BSND: variants seen among roughly 807,000 people sequenced by gnomAD.
BSND encodes the protein barttin.
Under a neutral mutation model 18.8 loss-of-function variants are expected in BSND, and 13 were observed. The ratio of observed to expected loss-of-function variants is 0.69; its 90% CI spans 0.45 to 1.10. BSND has a LOEUF of 1.10. Among genes scored for constraint, BSND ranks in the 50% least tolerant of loss-of-function variants. The probability of loss-of-function intolerance (pLI) is 0.00; values close to 1 mark genes in which losing one functional copy is unlikely to be tolerated. For synonymous variants in BSND, 170 were observed against 161.8 expected, an observed-to-expected ratio of 1.05 and a Z score of -0.39; for missense variants, 379 against 416.7, an observed-to-expected ratio of 0.91 and a Z score of 0.79.
rs1644443234 is a variant in BSND, at chr1:55,015,113, G to A, written c.*6485G>A. Among the ~76,000 whole-genome samples the A allele has an allele frequency of 6.6e-6, 1 of 152,220 alleles. No individual in the cohort carries two copies. The highest frequency in any genetic ancestry group is 2.4e-5 in the African/African-American group (1 of 41,442). On this transcript the variant is annotated 3_prime_UTR_variant, in exon 4 of 4. Transcript: ENST00000651561. The stretch of plus-strand genomic sequence containing the variant: ...TGATTCTTGAGCAGAGGAGTGACAT[G>A]AAAGAAACATTCAGGTCATATACTA...
Position 55,012,429 on chromosome 1 carries a change from G to T in BSND, c.*3801G>T, listed in dbSNP as rs1159189584. Among the ~76,000 whole-genome samples the T allele has an allele frequency of 6.6e-6, 1 of 152,224 alleles. No homozygotes were observed. The highest frequency in any genetic ancestry group is 1.5e-5 in the Non-Finnish European group (1 of 68,040). On this transcript the variant is annotated 3_prime_UTR_variant, in exon 4 of 4. Coordinates refer to ENST00000651561, the MANE Select transcript of BSND (RefSeq NM_057176.3). ...AGACCTGGTTTTACCTTCAGCCTCA[G>T]CCAGTTCCTTGCTGTGTGGCCTTGG...
chr1:55,003,803 T>A (rs1050193544), intron 1 of BSND, among the ~76,000 whole-genome samples: 5 of 152,150 alleles, frequency 3.3e-5, no homozygotes, highest in African/African-American at 9.7e-5. Flanking sequence ...TCATGAAATT[T>A]TCACAGCAAC....
At position 54,998,971 on chromosome 1, in the gene BSND, G is replaced by A. The variant is rs1431721534; in HGVS notation, c.-216G>A. ...GAGGGCAAGGAGTAAAGGTGGCTGG[G>A]TGTGGGTCCGTTGAAGCGAGCCGCC... On this transcript the variant is annotated 5_prime_UTR_variant, in exon 1 of 4. In the 5' UTR this introduces an upstream ATG that the reference lacks. Transcript: ENST00000651561. 1.7e-6 allele frequency: 1 copy of A among 591,450 alleles called. No individual in the cohort carries two copies. The highest frequency in any genetic ancestry group is 1.9e-5 in the African/African-American group (1 of 53,668). The allele number at this position is 591,450 out of a possible 1,614,324, so 36.6% of individuals were successfully genotyped here. A position where few individuals can be genotyped will look rare whatever the true frequency, so the allele number is the denominator to read the frequency against.
chr1:55,015,268 G>A lies in BSND; in HGVS notation c.*6640G>A, dbSNP rs538902384. 6.6e-6 allele frequency among the ~76,000 whole-genome samples: 1 copy of A among 152,222 alleles called. No individual in the cohort carries two copies. Among genetic ancestry groups the A allele is most frequent in the Non-Finnish European group, 1.5e-5 (1 of 68,034 alleles). The stretch of plus-strand genomic sequence containing the variant: ...ACTCATGTCACTGGGTGGATGCCAG[G>A]TCAGGACTGAAGCTTGCAGAGCCGG... On this transcript the variant is annotated 3_prime_UTR_variant, in exon 4 of 4. Transcript: ENST00000651561.
rs886211133 is a variant in BSND, at chr1:55,016,215, GGAGA to G, written c.*7596_*7599del. Among the ~76,000 whole-genome samples, 3 of 152,124 alleles carry G rather than the reference GGAGA, an allele frequency of 2.0e-5. No homozygotes were observed. Among genetic ancestry groups the G allele is most frequent in the East Asian group, 1.9e-4 (1 of 5,182 alleles). ...TCTGAAAGAGGTTACAGTTCCTAAC[GGAGA>G]GAGAGAGACAGATGGAGAGAGAGAG... On this transcript the variant is annotated 3_prime_UTR_variant, in exon 4 of 4. Coordinates refer to ENST00000651561, the MANE Select transcript of BSND (RefSeq NM_057176.3).
chr1:54,999,246 C>T lies in BSND; in HGVS notation c.60C>T (p.Ala20=). The change falls in exon 1 of 4, where the codon GCC becomes GCT. Residue 20 remains alanine (A), a synonymous_variant. Coordinates refer to ENST00000651561, the MANE Select transcript of BSND (RefSeq NM_057176.3). ...GFIVLGLFLL[A]LGTFLMSHDR... ...TTGTGCTGGGGCTTTTCCTGCTGGC[C>T]CTCGGTACGTTCCTCATGAGCCATG... is the stretch of plus-strand genomic sequence containing the variant. The T allele has an allele frequency of 1.2e-6, 2 of 1,614,166 alleles. No homozygotes were observed.
In BSND at chr1:55,012,793, C is replaced by A. The variant is rs1009963870; in HGVS notation, c.*4165C>A. Among the ~76,000 whole-genome samples, 1 of 152,128 alleles carries A rather than the reference C, an allele frequency of 6.6e-6. No individual in the cohort carries two copies. Among genetic ancestry groups the A allele is most frequent in the Non-Finnish European group, 1.5e-5 (1 of 68,008 alleles). On this transcript the variant is annotated 3_prime_UTR_variant, in exon 4 of 4. Coordinates refer to ENST00000651561, the MANE Select transcript of BSND (RefSeq NM_057176.3). ...TGCAGGGACTAAGGTGTATAAAATG[C>A]CTCCTGTGGGGCAGGAGGGGAGCAG...
intron 1 of BSND, among the ~76,000 whole-genome samples, 169 bp downstream of exon 1, chr1:54,999,532 C>T (rs1644351064): frequency 6.6e-6 from 1 of 151,912 alleles, no homozygotes. Context: ...TCCATCCATC[C>T]ATCCATCCAT....
chr1:55,006,801 C>T (rs1644393454), intron 2 of BSND, among the ~76,000 whole-genome samples, 196 bp from the exon 3 acceptor site: 1 of 152,140 alleles, frequency 6.6e-6, no homozygotes. Flanking sequence ...TGGGGTCAGG[C>T]CTGAGCTTTG....
chr1:54,999,484 A>G (rs1644350610), intron 1 of BSND, 121 bp downstream of exon 1: 1 of 1,064,682 alleles, frequency 9.4e-7, no homozygotes, highest in Non-Finnish European at 1.3e-6. Flanking sequence ...TCTCATTTTG[A>G]CTCGGTCTTC....
rs1035719774 is a variant in BSND, at chr1:55,015,818, C to T, written c.*7190C>T. On this transcript the variant is annotated 3_prime_UTR_variant, in exon 4 of 4. Transcript: ENST00000651561. ...CAGTGCTGAGCAGAGGGAAGCACGGCGGGGATCTGACCCCACCTGGAGAGT... is the reference window on the plus strand; with the variant it reads ...CAGTGCTGAGCAGAGGGAAGCACGGTGGGGATCTGACCCCACCTGGAGAGT... 6.6e-5 allele frequency among the ~76,000 whole-genome samples: 10 copies of T among 152,114 alleles called. No individual in the cohort carries two copies. Among genetic ancestry groups the T allele is most frequent in the East Asian group, 3.9e-4 (2 of 5,188 alleles).
At chr1:55,001,171 G>C (rs952109374) in intron 1 of BSND, among the ~76,000 whole-genome samples, 5 of 151,350 alleles carry the variant, frequency 3.3e-5, no homozygotes, top group African/African-American at 1.2e-4. Flanking sequence ...TCTGAGCCTT[G>C]TACGGCTGAT....
Position 54,999,182 on chromosome 1 carries a change from C to T in BSND, c.-5C>T. The stretch of plus-strand genomic sequence containing the variant: ...GTGTGCAGGCCAGGGACTGGCCAGG[C>T]AGCCATGGCTGACGAGAAGACCTTC... On this transcript the variant is annotated 5_prime_UTR_variant, in exon 1 of 4. Transcript: ENST00000651561. 2 of 1,613,904 alleles carry T rather than the reference C, an allele frequency of 1.2e-6. No homozygotes were observed. The highest frequency in any genetic ancestry group is 1.7e-6 in the Non-Finnish European group (2 of 1,180,020).
rs376897764 is a variant in BSND, at chr1:54,999,152, C to T, written c.-35C>T. On this transcript the variant is annotated 5_prime_UTR_variant, in exon 1 of 4. Transcript: ENST00000651561. ...GCTGAACTACAGCCACCCCCTCTCC[C>T]GGGGGTGTGCAGGCCAGGGACTGGC... The T allele has an allele frequency of 9.1e-5, 146 of 1,611,450 alleles. No individual in the cohort carries two copies. The highest frequency in any genetic ancestry group is 3.3e-4 in the Middle Eastern group (2 of 6,080).
chr1:55,002,254 A>T (rs1644365054), intron 1 of BSND, among the ~76,000 whole-genome samples: 1 of 152,232 alleles, frequency 6.6e-6, no homozygotes, highest in African/African-American at 2.4e-5. Flanking sequence ...AGACCTGGTC[A>T]GATTTGGTGG....
intron 1 of BSND, among the ~76,000 whole-genome samples, chr1:55,000,460 G>A (rs1283173105): frequency 6.6e-6 from 1 of 151,464 alleles, no homozygotes; most frequent in Non-Finnish European, 1.5e-5. Context: ...TTAGGAGGGG[G>A]GGGTGGGAAA....
rs1184461148 is a variant in BSND, at chr1:55,015,372, G to A, written c.*6744G>A. ...CCTGTGGCAGAGGCTGTTGCTTCCC[G>A]CCAAGACACCAGGGCCCTGGCCAAG... is the stretch of plus-strand genomic sequence containing the variant. On this transcript the variant is annotated 3_prime_UTR_variant, in exon 4 of 4. Transcript: ENST00000651561. Among the ~76,000 whole-genome samples, 2 of 152,288 alleles carry A rather than the reference G, an allele frequency of 1.3e-5. No individual in the cohort carries two copies. Among genetic ancestry groups the A allele is most frequent in the Admixed American group, 6.5e-5 (1 of 15,300 alleles).
chr1:55,015,470 C>T lies in BSND; in HGVS notation c.*6842C>T, dbSNP rs1403337806. 1.3e-5 allele frequency among the ~76,000 whole-genome samples: 2 copies of T among 152,176 alleles called. No homozygotes were observed. Among genetic ancestry groups the T allele is most frequent in the African/African-American group, 4.8e-5 (2 of 41,446 alleles). ...CCAGTGACTCAGGAAGTCCCCAGGT[C>T]AGAAAATGGGCCCCACTGGTGATTC... On this transcript the variant is annotated 3_prime_UTR_variant, in exon 4 of 4. Coordinates refer to ENST00000651561, the MANE Select transcript of BSND (RefSeq NM_057176.3).
rs192521045 is a variant in BSND, at chr1:55,004,910, G to A, written c.178-112G>A. On this transcript the variant is annotated intron_variant, in intron 1 of 3. Coordinates refer to ENST00000651561, the MANE Select transcript of BSND (RefSeq NM_057176.3). ...TCTCCTGTCAAGCAGGGAGGCCTCC[G>A]TGGTGCAGCCTGTCTCCCAGAGCTC... 214 of 972,776 alleles carry A rather than the reference G, an allele frequency of 2.2e-4. 1 individual carries two copies. The African/African-American group carries it at 2.8e-3, about 13-fold the overall frequency. 60.3% of individuals were successfully genotyped at this position (972,776 alleles called of 1,614,324 possible).
Sources: allele counts gnomAD v4.1 joint callset (sites outside exome capture counted in the v4.1 genomes callset), GRCh38; gene constraint gnomAD v4.1.1; transcripts MANE v1.5; gene names NCBI Gene and HGNC (gene_info 2026-07-23, HGNC 2026-07-21).